Variants in GHRHR observed in about 807,000 individuals in gnomAD.
GHRHR encodes the protein growth hormone releasing hormone receptor.
GHRHR carries 40 observed loss-of-function variants against 58.3 expected under a neutral mutation model. The ratio of observed to expected loss-of-function variants is 0.69; its 90% confidence interval spans 0.53 to 0.89. The LOEUF is 0.89. GHRHR is among the 40% of genes least tolerant of loss of function. The pLI is 0.00. For synonymous variants in GHRHR, 249 were observed against 216.6 expected (o/e 1.15, Z -1.31); for missense variants, 551 against 541.3 (o/e 1.02, Z -0.18).
At position 30,969,849 on chromosome 7, in the gene GHRHR, G is replaced by C. The variant is rs1282434168; in HGVS notation, c.269-18G>C. On this transcript the variant is annotated intron_variant, in intron 3 of 12. Transcript: ENST00000326139. ...AGAGGGAAGGAGTTGTGGCTAGAGA[G>C]TCTTGCTTGCCTCCCAGGGGCTGTG... The C allele has an allele frequency of 6.2e-7, 1 of 1,613,436 alleles. No individual in the cohort carries two copies. The highest frequency in any genetic ancestry group is 1.1e-5 in the South Asian group (1 of 91,072).
intron 10 of GHRHR, 49 bp from the exon 11 acceptor site, chr7:30,976,380 A>G (rs1412624749): frequency 1.3e-6 from 2 of 1,587,036 alleles, no homozygotes; most frequent in Non-Finnish European, 1.7e-6. Flanking sequence ...AGTGCACACG[A>G]CAGTTTCTAA....
rs34790466 is a variant in GHRHR, at chr7:30,974,156, G to A, written c.751+18G>A. On this transcript the variant is annotated intron_variant, in intron 7 of 12. Coordinates refer to ENST00000326139, the MANE Select transcript of GHRHR (RefSeq NM_000823.4). ...TGGCTGGGGTGAGCACTGAGGGCGG[G>A]TTGGGCACCATGGGGAGGTAAAGGG... is the stretch of plus-strand genomic sequence containing the variant. The A allele has an allele frequency of 2.5e-6, 4 of 1,612,654 alleles. No homozygotes were observed. The highest frequency in any genetic ancestry group is 2.2e-5 in the East Asian group (1 of 44,838).
chr7:30,969,160 C>T lies in GHRHR; in HGVS notation c.258C>T (p.Ser86=). 6.4e-7 allele frequency: 1 copy of T among 1,560,984 alleles called. No individual in the cohort carries two copies. The highest frequency in any genetic ancestry group is 1.2e-5 in the South Asian group (1 of 85,162). Residue 86 remains serine, a synonymous_variant, in exon 3 of 13, where the codon AGC becomes AGT. Coordinates refer to ENST00000326139, the MANE Select transcript of GHRHR (RefSeq NM_000823.4). ...LPCPDFFSHF[S]SESGAVKRDC... is the part of the protein sequence containing the mutation. ...GCCCGGATTTCTTCTCTCACTTCAG[C>T]TCAGAGTCAGGTGAGGGGTGCTGGG... is the stretch of plus-strand genomic sequence containing the variant.
rs1297991492 is a variant in GHRHR at position 30,964,083 on chromosome 7, G to A, written c.15G>A (p.Met5Ile). The A allele has an allele frequency of 5.8e-6, 9 of 1,550,618 alleles. No homozygotes were observed. In the East Asian group the frequency reaches 1.5e-4, roughly 25 times the overall value. Residue 5 changes from methionine to isoleucine, a missense_variant, in exon 1 of 13, where the codon ATG becomes ATA. Physicochemically the swap from Met to Ile is conservative, Grantham distance 10 (BLOSUM62 1). Coordinates refer to ENST00000326139, the MANE Select transcript of GHRHR (RefSeq NM_000823.4). Reference protein sequence around the residue: MDRRMWGAHVFCVLS... With the variant: MDRRIWGAHVFCVLS... ...CTGGGCTCACCATGGACCGCCGGAT[G>A]TGGGGGGCCCACGTCTTCTGCGTGT...
chr7:30,976,624 G>C (rs1284005004), intron 11 of GHRHR, 66 bp downstream of exon 11: 5 of 1,440,066 alleles, frequency 3.5e-6, no homozygotes, highest in Admixed American at 1.8e-5. Flanking sequence ...TGTTGCCCAC[G>C]GGCCTTGGCT....
chr7:30,969,678 G>A, intron 3 of GHRHR, 189 bp from the exon 4 acceptor site: 2 of 661,246 alleles, frequency 3.0e-6, no homozygotes, highest in East Asian at 2.7e-5. Context: ...AGCCAGAGAA[G>A]GAAGGCCCCA....
chr7:30,975,349 G>A (rs1792556277), intron 9 of GHRHR, among the ~76,000 whole-genome samples: 1 of 152,176 alleles, frequency 6.6e-6, no homozygotes, highest in South Asian at 2.1e-4. Flanking sequence ...GGCAGTAAAT[G>A]GAGTCTGCAG....
At position 30,976,083 on chromosome 7, in the gene GHRHR, G is replaced by A. The variant is rs1263758356; in HGVS notation, c.974+215G>A. The A allele has an allele frequency of 8.4e-6, 5 of 597,804 alleles. No homozygotes were observed. In the East Asian group the frequency reaches 8.7e-5, roughly 10 times the overall value. The allele number at this position is 597,804 out of a possible 1,614,324, so 37.0% of individuals were successfully genotyped here. ...AGCCAGCTCCCATGCCAAATAGAAC[G>A]ATGAGTGCTGGGATCAATTTCTATG... On this transcript the variant is annotated intron_variant, in intron 10 of 12. Coordinates refer to ENST00000326139, the MANE Select transcript of GHRHR (RefSeq NM_000823.4).
At chr7:30,971,561 C>A (rs993935798) in intron 5 of GHRHR, among the ~76,000 whole-genome samples, 1 of 152,178 alleles carries the variant, frequency 6.6e-6, no homozygotes, top group Non-Finnish European at 1.5e-5. Context: ...TCTCTGACCA[C>A]TGTCCCCTTT....
intron 5 of GHRHR, among the ~76,000 whole-genome samples, chr7:30,971,536 CTTGACTG>C (rs765699945): frequency 1.7e-4 from 26 of 152,300 alleles, no homozygotes; most frequent in Non-Finnish European, 3.2e-4. Context: ...CAGAGCCCCT[CTTGACTG>C]TTATAACTCT....
Position 30,964,187 on chromosome 7 carries a change from G to A in GHRHR, c.57+62G>A, listed in dbSNP as rs574953631. On this transcript the variant is annotated intron_variant, in intron 1 of 12. Coordinates refer to ENST00000326139, the MANE Select transcript of GHRHR (RefSeq NM_000823.4). ...TGGGCTCCAGATTTGGGAGCCACAG[G>A]GCCAACTGGAGCCTGGCGGAGACCC... The A allele has an allele frequency of 7.0e-6, 10 of 1,423,172 alleles. No individual in the cohort carries two copies. In the East Asian group the frequency reaches 2.2e-4, roughly 32 times the overall value. 88.2% of individuals were successfully genotyped at this position (1,423,172 alleles called of 1,614,324 possible). A position where few individuals can be genotyped will look rare whatever the true frequency, so the allele number is the denominator to read the frequency against.
chr7:30,965,401 G>A (rs867160353), intron 1 of GHRHR, among the ~76,000 whole-genome samples: 1 of 127,210 alleles, frequency 7.9e-6, no homozygotes, highest in African/African-American at 4.0e-5. Context: ...CCTCAGGGGT[G>A]GGTGGGGTCC....
At chr7:30,974,221 C>T in intron 7 of GHRHR, 83 bp downstream of exon 7, 1 of 1,418,798 alleles carries the variant, frequency 7.0e-7, no homozygotes, top group Non-Finnish European at 9.9e-7. Context: ...GCCCCTCCAC[C>T]TCACTCTGAG....
rs1303123571 is a variant in GHRHR, at chr7:30,969,142, T to C, written c.240T>C (p.Asp80=). ...AGTGGGTCACCCTCCCCTGCCCGGA[T>C]TTCTTCTCTCACTTCAGCTCAGAGT... ...SGEWVTLPCP[D]FFSHFSSESG... The change falls in exon 3 of 13, where the codon GAT becomes GAC. Residue 80 remains aspartate, a synonymous_variant. Coordinates refer to ENST00000326139, the MANE Select transcript of GHRHR (RefSeq NM_000823.4). 8.3e-6 allele frequency: 13 copies of C among 1,571,518 alleles called. No individual in the cohort carries two copies. Among genetic ancestry groups the C allele is most frequent in the Non-Finnish European group, 1.0e-5 (12 of 1,158,072 alleles).
rs749589917 is a variant in GHRHR, at chr7:30,972,114, G to T, written c.597+19G>T. 1.2e-6 allele frequency: 2 copies of T among 1,613,436 alleles called. No homozygotes were observed. Among genetic ancestry groups the T allele is most frequent in the African/African-American group, 2.7e-5 (2 of 74,868 alleles). The stretch of plus-strand genomic sequence containing the variant: ...CTCCACTGTAATGGCCATGGGTGAA[G>T]GGGCTGGGCAGGTGGGGGAGAGAGG... On this transcript the variant is annotated intron_variant, in intron 6 of 12. Coordinates refer to ENST00000326139, the MANE Select transcript of GHRHR (RefSeq NM_000823.4).
At chr7:30,973,771 T>C (rs1007110964) in intron 6 of GHRHR, among the ~76,000 whole-genome samples, 2 of 152,164 alleles carry the variant, frequency 1.3e-5, no homozygotes, top group Admixed American at 1.3e-4. Flanking sequence ...AGGAAATAGA[T>C]AGTAAATTAG....
Position 30,979,497 on chromosome 7 carries a change from G to A in GHRHR, c.*253G>A, listed in dbSNP as rs1233042631. On this transcript the variant is annotated 3_prime_UTR_variant, in exon 13 of 13. Coordinates refer to ENST00000326139, the MANE Select transcript of GHRHR (RefSeq NM_000823.4). Reference sequence around the variant, plus strand: ...ACTGGGGCCTGGGGCTCTAGCCCAAGGCTCAGAGGAGCCAATAAACCTGTA... The same window carrying A: ...ACTGGGGCCTGGGGCTCTAGCCCAAAGCTCAGAGGAGCCAATAAACCTGTA... 8.5e-6 allele frequency: 4 copies of A among 469,134 alleles called. No homozygotes were observed. In the East Asian group the frequency reaches 1.7e-4, roughly 20 times the overall value. The allele number at this position is 469,134 out of a possible 1,614,324, so 29.1% of individuals were successfully genotyped here.
chr7:30,970,812 T>G (rs1297084413), intron 4 of GHRHR, among the ~76,000 whole-genome samples: 1 of 152,218 alleles, frequency 6.6e-6, no homozygotes, highest in Non-Finnish European at 1.5e-5. Context: ...CCTCTTGGGC[T>G]TTTGTCATTC....
At position 30,975,021 on chromosome 7, in the gene GHRHR, C is replaced by T. The variant is rs1792550015; in HGVS notation, c.863C>T (p.Pro288Leu). 1 of 1,611,970 alleles carries T rather than the reference C, an allele frequency of 6.2e-7. No individual in the cohort carries two copies. Among genetic ancestry groups the T allele is most frequent in the African/African-American group, 1.3e-5 (1 of 74,828 alleles). ...TSPYWWIIKG[P>L]IVLSVGVNFG... ...CCCTACTGGTGGATCATCAAAGGGC[C>T]CATTGTCCTCTCGGTCGGGGTCAGT... The change falls in exon 9 of 13, where the codon CCC (proline) becomes CTC (leucine). Residue 288 changes from proline (P) to leucine (L), a missense_variant. By Grantham distance (98) the Pro-to-Leu change is moderately conservative (BLOSUM62 -3). Transcript: ENST00000326139.
Sources: gnomAD v4.1 joint callset for allele counts (sites outside exome capture counted in the v4.1 genomes callset) on GRCh38, gnomAD v4.1.1 for gene constraint, MANE v1.5 for transcripts, NCBI Gene and HGNC (gene_info 2026-07-23, HGNC 2026-07-21) for gene names.